Variants in SMPD4 observed in about 807,000 individuals in gnomAD.
The protein encoded by SMPD4 is sphingomyelin phosphodiesterase 4.
SMPD4 carries 58 observed loss-of-function variants against 97.8 expected under a neutral mutation model. The ratio of observed to expected loss-of-function variants is 0.59; its 90% CI spans 0.48 to 0.74. The LOEUF is 0.74. Among genes scored for constraint, SMPD4 ranks in the 30% least tolerant of loss-of-function variants. SMPD4 has a pLI of 0.00. For synonymous variants in SMPD4, 388 were observed against 450.0 expected (o/e 0.86, Z 1.74); for missense variants, 853 against 1,080.5 (o/e 0.79, Z 2.95).
At position 130,181,549 on chromosome 2, in the gene SMPD4, G is replaced by GTCA. The variant is rs1558771402; in HGVS notation, c.-66_-65insTGA. On this transcript the variant is annotated 5_prime_UTR_variant, in exon 1 of 20. Transcript: ENST00000680298. ...ACTCACCTGTGGGATCCATAGCGTC[G>GTCA]CTCGCCTCAGAGATGGAAGCCGCCA... 6.9e-6 allele frequency: 11 copies of GTCA among 1,605,514 alleles called. No homozygotes were observed. The highest frequency in any genetic ancestry group is 9.3e-6 in the Non-Finnish European group (11 of 1,177,128).
At chr2:130,175,814 T>C (rs1483919106) in intron 2 of SMPD4, among the ~76,000 whole-genome samples, 5 of 152,224 alleles carry the variant, frequency 3.3e-5, no homozygotes, top group African/African-American at 1.2e-4. Context: ...TCACAGTGAT[T>C]GAGACAGAGA....
intron 8 of SMPD4, among the ~76,000 whole-genome samples, chr2:130,170,725 C>T (rs1688372919): frequency 6.6e-6 from 1 of 151,472 alleles, no homozygotes; most frequent in Non-Finnish European, 1.5e-5. Context: ...GATCACAACA[C>T]TGCACTCCAG....
At chr2:130,158,543 G>C (rs542999032) in intron 11 of SMPD4, among the ~76,000 whole-genome samples, 2 of 152,282 alleles carry the variant, frequency 1.3e-5, no homozygotes, top group Admixed American at 6.5e-5. Context: ...GTCTCCCAAA[G>C]AGAGGGAATA....
In SMPD4 at chr2:130,157,402, TGGA is replaced by T. The variant is rs1558744392; in HGVS notation, c.952-9_952-7del. On this transcript the variant is annotated splice_region_variant and splice_polypyrimidine_tract_variant and intron_variant, in intron 11 of 19. Transcript: ENST00000680298. ...TCAGTAGGCGTGAACGACTCCTGGG[TGGA>T]GAAGGAGGGGTGAGGGCCTGGGAAG... 1 of 1,610,106 alleles carries T rather than the reference TGGA, an allele frequency of 6.2e-7. No homozygotes were observed. The highest frequency in any genetic ancestry group is 1.3e-5 in the African/African-American group (1 of 74,700).
intron 14 of SMPD4, among the ~76,000 whole-genome samples, chr2:130,155,806 G>A (rs560408483): frequency 6.6e-6 from 1 of 152,116 alleles, no homozygotes; most frequent in South Asian, 2.1e-4. Context: ...GGGCAGGATG[G>A]GTCACCCACA....
Position 130,157,291 on chromosome 2 carries a change from C to T in SMPD4, c.1057G>A (p.Ala353Thr), listed in dbSNP as rs572147978. 18 of 1,564,434 alleles carry T rather than the reference C, an allele frequency of 1.2e-5. No homozygotes were observed. The highest frequency in any genetic ancestry group is 2.3e-5 in the South Asian group (2 of 85,638). Residue 353 changes from alanine to threonine, a missense_variant, in exon 12 of 20, where the codon GCC becomes ACC. Ala to Thr is a moderately conservative substitution (Grantham distance 58, BLOSUM62 0). This residue lies in a region of SMPD4 where 29 missense variants were observed against 70.2 expected (regional missense o/e 0.41). Coordinates refer to ENST00000680298, the MANE Select transcript of SMPD4 (RefSeq NM_017951.5). ...SLKPEQASPS[A>T]HSHATSPLEE... Reference sequence around the variant, plus strand: ...AGGGGGCTGGTGGCGTGGGAGTGGGCGGAGGGTGAGGCCTGCTCTGGCTTC... The same window carrying T: ...AGGGGGCTGGTGGCGTGGGAGTGGGTGGAGGGTGAGGCCTGCTCTGGCTTC...
At chr2:130,165,473 A>G (rs1002221008) in intron 9 of SMPD4, among the ~76,000 whole-genome samples, 4 of 152,140 alleles carry the variant, frequency 2.6e-5, no homozygotes, top group Admixed American at 6.6e-5. Flanking sequence ...GTCTACTGAG[A>G]GATGAATGAA....
rs1296923394 is a variant in SMPD4, at chr2:130,172,376, C to G, written c.632G>C (p.Gly211Ala). 6.2e-6 allele frequency: 10 copies of G among 1,606,300 alleles called. No individual in the cohort carries two copies. Among genetic ancestry groups the G allele is most frequent in the Middle Eastern group, 3.9e-4 (2 of 5,080 alleles). Residue 211 changes from glycine to alanine, a missense_variant, in exon 8 of 20, where the codon GGG (glycine) becomes GCG (alanine). Transcript: ENST00000680298. ...SVPPPLSSSP[G>A]GTSPSPPPRT... The stretch of plus-strand genomic sequence containing the variant: ...GGGAGGTGGTGAGGGGCTGGTCCCC[C>G]CTGGGCTGGAGGAGAGTGGTGGGGG...
intron 1 of SMPD4, 165 bp downstream of exon 1, chr2:130,181,365 A>C (rs1689604805): frequency 2.1e-6 from 3 of 1,442,210 alleles, no homozygotes; most frequent in East Asian, 5.0e-5. Flanking sequence ...GGGTGGCAGA[A>C]GACTCAACCG....
rs555658711 is a variant in SMPD4, at chr2:130,156,060, G to T, written c.1264C>A (p.Gln422Lys). Residue 422 changes from glutamine (Q) to lysine (K), a missense_variant, in exon 14 of 20, where the codon CAG becomes AAG. Transcript: ENST00000680298. ...PDKQAPGSDS[Q>K]PRCVSEKWAP... ...CATTTCTCCGACACACACCGGGGCT[G>T]GGAGTCGCTGCCCGGAGCCTGCTTG... The T allele has an allele frequency of 9.9e-6, 16 of 1,611,544 alleles. No individual in the cohort carries two copies. In the East Asian group the frequency reaches 3.6e-4, roughly 36 times the overall value.
intron 9 of SMPD4, among the ~76,000 whole-genome samples, chr2:130,166,022 A>G (rs1687894079): frequency 6.6e-6 from 1 of 152,092 alleles, no homozygotes. Context: ...TTTTTTTCTT[A>G]GTTAAAAAAA....
intron 13 of SMPD4, 125 bp from the exon 14 acceptor site, chr2:130,156,260 AGAGACATGCACAGCCCTGT>A: frequency 1.2e-6 from 1 of 834,784 alleles, no homozygotes; most frequent in Non-Finnish European, 1.9e-6. Flanking sequence ...AGGGCGCAGG[AGAGACATGCACAGCCCTGT>A]GAGGTTTGGC....
intron 10 of SMPD4, among the ~76,000 whole-genome samples, chr2:130,162,087 C>G (rs2599763): frequency 1.4e-4 from 21 of 152,300 alleles, no homozygotes; most frequent in South Asian, 4.1e-4. Context: ...AGCTCTGACT[C>G]CTGGAGGCAG....
At chr2:130,159,119 CG>C (rs1687145049) in intron 11 of SMPD4, among the ~76,000 whole-genome samples, 1 of 152,076 alleles carries the variant, frequency 6.6e-6, no homozygotes, top group South Asian at 2.1e-4. Context: ...CTCAGCCTCC[CG>C]GGTAGCTGGG....
chr2:130,158,714 G>A (rs1179590373), intron 11 of SMPD4, among the ~76,000 whole-genome samples: 1 of 152,122 alleles, frequency 6.6e-6, no homozygotes, highest in East Asian at 1.9e-4. Flanking sequence ...GAGAGTAGAC[G>A]AGGGCAGGGA....
At chr2:130,167,718 A>G (rs1688066223) in intron 8 of SMPD4, 128 bp from the exon 9 acceptor site, 5 of 938,388 alleles carry the variant, frequency 5.3e-6, no homozygotes, top group Admixed American at 2.9e-5. Flanking sequence ...TCAATAGCAC[A>G]ATGCACACCT....
intron 17 of SMPD4, 81 bp from the exon 18 acceptor site, chr2:130,153,531 G>T: frequency 6.3e-7 from 1 of 1,590,356 alleles, no homozygotes; most frequent in East Asian, 2.2e-5. Context: ...CTACAACAGT[G>T]GCAACAAGGG....
chr2:130,166,975 C>T (rs958843506), intron 9 of SMPD4, among the ~76,000 whole-genome samples: 2 of 152,234 alleles, frequency 1.3e-5, no homozygotes, highest in African/African-American at 2.4e-5. Context: ...CAATGACATT[C>T]AAGTTAAAAG....
chr2:130,172,577 C>T (rs1334173681), intron 7 of SMPD4, 48 bp downstream of exon 7: 6 of 1,613,890 alleles, frequency 3.7e-6, no homozygotes, highest in Non-Finnish European at 5.1e-6. Context: ...GCAGGGAAGC[C>T]CTGGGCCGTG....
Sources: gnomAD v4.1 joint callset for allele counts (sites outside exome capture counted in the v4.1 genomes callset) on GRCh38, gnomAD v4.1.1 for gene constraint, gnomAD v4.1.1 regional missense constraint, MANE v1.5 for transcripts, NCBI Gene and HGNC (gene_info 2026-07-23, HGNC 2026-07-21) for gene names.